ITFG1: variants seen among roughly 807,000 people sequenced by gnomAD.
ITFG1 encodes integrin alpha FG-GAP repeat containing 1.
A neutral mutation model predicts 81.8 loss-of-function variants in ITFG1; 34 were observed. The ratio of observed to expected loss-of-function variants is 0.42; its 90% CI spans 0.32 to 0.55. ITFG1 has a LOEUF of 0.55. ITFG1 is among the 20% of genes least tolerant of loss of function. The pLI is 0.17. For synonymous variants in ITFG1, 285 were observed against 270.6 expected, an observed-to-expected ratio of 1.05 and a Z score of -0.52; for missense variants, 672 against 755.4, an observed-to-expected ratio of 0.89 and a Z score of 1.29.
At chr16:47,416,652 C>G (rs1467612896) in intron 6 of ITFG1, among the ~76,000 whole-genome samples, 1 of 152,142 alleles carries the variant, frequency 6.6e-6, no homozygotes, top group Non-Finnish European at 1.5e-5. Flanking sequence ...TTTAAAGGAG[C>G]CTGGCATTCC....
Position 47,451,431 on chromosome 16 carries a change from T to C in ITFG1, c.525A>G (p.Thr175=). The part of the protein sequence containing the change: ...GDLIPDIFGI[T]NESNQPQILL... ...GTATCTGTGGCTGGTTGGATTCATT[T>C]GTGATACCAAAAATATCAGGAATTA... The change falls in exon 5 of 18, where the codon ACA becomes ACG. Residue 175 remains threonine (T), a synonymous_variant. Coordinates refer to ENST00000320640, the MANE Select transcript of ITFG1 (RefSeq NM_030790.5). The C allele has an allele frequency of 1.3e-6, 2 of 1,588,354 alleles. No homozygotes were observed. The highest frequency in any genetic ancestry group is 1.7e-6 in the Non-Finnish European group (2 of 1,157,250).
At position 47,308,266 on chromosome 16, in the gene ITFG1, A is replaced by G. The variant is rs192532026; in HGVS notation, c.1070+2974T>C. ...TAATCTAGATTCCCACTAACAGTGT[A>G]TAAGTGTTCCCTTTTATCTGCAGCC... On this transcript the variant is annotated intron_variant, in intron 10 of 17. Coordinates refer to ENST00000320640, the MANE Select transcript of ITFG1 (RefSeq NM_030790.5). Among the ~76,000 whole-genome samples, 40 of 152,318 alleles carry G rather than the reference A, an allele frequency of 2.6e-4. No homozygotes were observed. The East Asian group carries it at 3.5e-3, about 13-fold the overall frequency.
chr16:47,375,583 ACT>A (rs1470266425), intron 7 of ITFG1, among the ~76,000 whole-genome samples: 1 of 152,150 alleles, frequency 6.6e-6, no homozygotes, highest in African/African-American at 2.4e-5. Context: ...AATGACAGTA[ACT>A]CTCTCAACAG....
intron 6 of ITFG1, among the ~76,000 whole-genome samples, chr16:47,400,923 G>C (rs1224576132): frequency 6.6e-6 from 1 of 152,168 alleles, no homozygotes; most frequent in African/African-American, 2.4e-5. Context: ...GTGCCACAAA[G>C]AGATTTTAAG....
intron 10 of ITFG1, among the ~76,000 whole-genome samples, chr16:47,281,903 T>C (rs1966455161): frequency 6.6e-6 from 1 of 152,068 alleles, no homozygotes; most frequent in Non-Finnish European, 1.5e-5. Flanking sequence ...AAGTGCAGTT[T>C]TGTTACATGG....
intron 14 of ITFG1, among the ~76,000 whole-genome samples, chr16:47,170,734 ATC>A (rs1964948345): frequency 1.3e-5 from 1 of 74,700 alleles, no homozygotes; most frequent in Non-Finnish European, 2.3e-5. Context: ...CATCTAGATT[ATC>A]TTTTTTTTTT....
At chr16:47,293,220 AAATG>A (rs1966934973) in intron 10 of ITFG1, among the ~76,000 whole-genome samples, 7 of 142,318 alleles carry the variant, frequency 4.9e-5, no homozygotes, top group African/African-American at 1.7e-4. Context: ...TATGATATAT[AAATG>A]TGATATATAT....
At chr16:47,381,373 G>T (rs1384533903) in intron 6 of ITFG1, among the ~76,000 whole-genome samples, 1 of 152,104 alleles carries the variant, frequency 6.6e-6, no homozygotes, top group Admixed American at 6.5e-5. Context: ...GAAATTAAAA[G>T]AAAACTATTC....
chr16:47,230,652 C>G (rs1965806371), intron 13 of ITFG1, among the ~76,000 whole-genome samples: 1 of 152,170 alleles, frequency 6.6e-6, no homozygotes, highest in African/African-American at 2.4e-5. Context: ...ACCCACAGCA[C>G]AGCTGGCACG....
chr16:47,344,289 C>G (rs1049295563), intron 8 of ITFG1, among the ~76,000 whole-genome samples: 2 of 151,852 alleles, frequency 1.3e-5, no homozygotes, highest in African/African-American at 4.8e-5. Context: ...ATATTTTAAC[C>G]AAATTTTTAA....
At chr16:47,222,041 T>C (rs1484794260) in intron 13 of ITFG1, among the ~76,000 whole-genome samples, 7 of 152,198 alleles carry the variant, frequency 4.6e-5, no homozygotes, top group Non-Finnish European at 8.8e-5. Flanking sequence ...AACCAGCTCC[T>C]GGATTCATTA....
At chr16:47,438,578 C>A (rs138466417) in intron 5 of ITFG1, among the ~76,000 whole-genome samples, 1 of 152,324 alleles carries the variant, frequency 6.6e-6, no homozygotes, top group African/African-American at 2.4e-5. Flanking sequence ...CAAACAGGGT[C>A]TGGAGTGGAC....
chr16:47,422,678 C>T (rs771728896), intron 6 of ITFG1, among the ~76,000 whole-genome samples: 15 of 152,066 alleles, frequency 9.9e-5, no homozygotes, highest in East Asian at 1.9e-4. Flanking sequence ...AGCCTGTTAT[C>T]GGTCTATTCA....
intron 8 of ITFG1, among the ~76,000 whole-genome samples, chr16:47,335,788 A>C (rs1967696843): frequency 6.6e-6 from 1 of 152,216 alleles, no homozygotes; most frequent in African/African-American, 2.4e-5. Context: ...TAGTAACAAT[A>C]TGGATAGCCA....
chr16:47,407,213 A>G (rs1968740368), intron 6 of ITFG1, among the ~76,000 whole-genome samples: 1 of 152,240 alleles, frequency 6.6e-6, no homozygotes, highest in African/African-American at 2.4e-5. Flanking sequence ...GTGAGAAATG[A>G]TGGCGACTTG....
At chr16:47,209,653 A>G (rs1427031738) in intron 14 of ITFG1, among the ~76,000 whole-genome samples, 1 of 152,202 alleles carries the variant, frequency 6.6e-6, no homozygotes, top group Non-Finnish European at 1.5e-5. Context: ...GAACGTTTCC[A>G]TCACCACAAG....
rs140087960 is a variant in ITFG1, at chr16:47,252,612, C to T, written c.1330+6020G>A. Among the ~76,000 whole-genome samples, 340 of 152,290 alleles carry T rather than the reference C, an allele frequency of 2.2e-3. 4 individuals are homozygous for T. Among genetic ancestry groups the T allele is most frequent in the African/African-American group, 8.0e-3 (334 of 41,572 alleles). Reference sequence around the variant, plus strand: ...GAGGGGACCCCACAATTCTGTAATACGCAAGGTCCCCGTCTTCATGTAAGT... The same window carrying T: ...GAGGGGACCCCACAATTCTGTAATATGCAAGGTCCCCGTCTTCATGTAAGT... On this transcript the variant is annotated intron_variant, in intron 12 of 17. Coordinates refer to ENST00000320640, the MANE Select transcript of ITFG1 (RefSeq NM_030790.5).
Position 47,222,512 on chromosome 16 carries a change from C to A in ITFG1, c.1375-3566G>T, listed in dbSNP as rs111950430. 2.0e-3 allele frequency among the ~76,000 whole-genome samples: 308 copies of A among 151,072 alleles called. 4 individuals are homozygous for A. Among genetic ancestry groups the A allele is most frequent in the African/African-American group, 7.1e-3 (293 of 41,010 alleles). Reference sequence around the variant, plus strand: ...CACTGCAAGCTCCGCCTCCCAGGTTCACGCCATTCTCCTGCCTCAGCCTCC... The same window carrying A: ...CACTGCAAGCTCCGCCTCCCAGGTTAACGCCATTCTCCTGCCTCAGCCTCC... On this transcript the variant is annotated intron_variant, in intron 13 of 17. Coordinates refer to ENST00000320640, the MANE Select transcript of ITFG1 (RefSeq NM_030790.5).
At chr16:47,321,798 T>A (rs1391148567) in intron 8 of ITFG1, among the ~76,000 whole-genome samples, 1 of 152,188 alleles carries the variant, frequency 6.6e-6, no homozygotes, top group African/African-American at 2.4e-5. Flanking sequence ...TTAAGAATTT[T>A]AAAATAATTG....
Sources: gnomAD v4.1 joint callset for allele counts (sites outside exome capture counted in the v4.1 genomes callset) on GRCh38, gnomAD v4.1.1 for gene constraint, MANE v1.5 for transcripts, NCBI Gene and HGNC (gene_info 2026-07-23, HGNC 2026-07-21) for gene names.